The following PCDHA2 variants were observed in gnomAD, a reference collection of about 807,000 sequenced individuals.
The protein encoded by PCDHA2 is protocadherin alpha-2.
PCDHA2 carries 58 observed loss-of-function variants against 66.0 expected under a neutral mutation model. The observed-to-expected ratio is 0.88, with a 90% CI of 0.71 to 1.09. The LOEUF (loss-of-function observed/expected upper bound fraction) is 1.09. Ranked by LOEUF, PCDHA2 falls within the 50% of genes least tolerant of loss-of-function variation. The pLI is 0.00. For synonymous variants in PCDHA2, 634 were observed against 554.0 expected, an observed-to-expected ratio of 1.14 and a Z score of -2.03; for missense variants, 1,267 against 1,242.3, an observed-to-expected ratio of 1.02 and a Z score of -0.30.
At chr5:140,798,866 A>G (rs1426927242) in intron 1 of PCDHA2, among the ~76,000 whole-genome samples, 1 of 152,182 alleles carries the variant, frequency 6.6e-6, no homozygotes, top group Non-Finnish European at 1.5e-5. Flanking sequence ...GTCCTCTACT[A>G]TTTAGTTCTT....
chr5:140,925,441 T>G (rs1458646143), intron 1 of PCDHA2, among the ~76,000 whole-genome samples: 1 of 152,136 alleles, frequency 6.6e-6, no homozygotes, highest in African/African-American at 2.4e-5. Context: ...TTAGGCAGAA[T>G]TTGGGTGTAT....
chr5:140,801,450 T>C (rs562041671), intron 1 of PCDHA2: 2 of 1,613,956 alleles, frequency 1.2e-6, no homozygotes, highest in East Asian at 4.5e-5. Flanking sequence ...TGGCATTTTG[T>C]TTGTGAATTC....
At chr5:140,824,245 C>T in intron 1 of PCDHA2, 1 of 1,462,164 alleles carries the variant, frequency 6.8e-7, no homozygotes, top group Admixed American at 1.7e-5. Flanking sequence ...TATTGTGGTA[C>T]ACAATTATTG....
intron 1 of PCDHA2, among the ~76,000 whole-genome samples, chr5:140,935,657 T>C (rs2090486652): frequency 1.3e-5 from 2 of 152,176 alleles, no homozygotes; most frequent in Non-Finnish European, 2.9e-5. Flanking sequence ...TTTAATTTTC[T>C]TTTATAATTA....
At chr5:140,899,228 T>G (rs1194169721) in intron 1 of PCDHA2, among the ~76,000 whole-genome samples, 1 of 152,126 alleles carries the variant, frequency 6.6e-6, no homozygotes, top group Non-Finnish European at 1.5e-5. Context: ...CAACACTATG[T>G]TGAATAGGAG....
At chr5:140,809,741 A>G in intron 1 of PCDHA2, 1 of 686,580 alleles carries the variant, frequency 1.5e-6, no homozygotes, top group South Asian at 2.3e-5. Flanking sequence ...AGCAATATAT[A>G]TTGCCTTCCT....
intron 1 of PCDHA2, among the ~76,000 whole-genome samples, chr5:140,874,476 A>G (rs1024531291): frequency 1.1e-4 from 17 of 152,236 alleles, no homozygotes; most frequent in Non-Finnish European, 8.8e-5. Context: ...TTAGAGAAAA[A>G]GCAAAAGGTT....
intron 1 of PCDHA2, among the ~76,000 whole-genome samples, chr5:140,923,142 TA>T (rs1262526439): frequency 5.3e-5 from 8 of 152,122 alleles, no homozygotes; most frequent in East Asian, 3.9e-4. Context: ...AGGTGGAATA[TA>T]AAAAAAATTA....
Position 140,848,391 on chromosome 5 carries a change from G to A in PCDHA2, c.2388+51039G>A. ...GGCTCAATTCTTTTTCACTCTCTCTGTGCTGAACGATGGCGAACACAGCAG... is the reference window on the plus strand; with the variant it reads ...GGCTCAATTCTTTTTCACTCTCTCTATGCTGAACGATGGCGAACACAGCAG... On this transcript the variant is annotated intron_variant, in intron 1 of 3. Coordinates refer to ENST00000526136, the MANE Select transcript of PCDHA2 (RefSeq NM_018905.3). The A allele has an allele frequency of 2.4e-6, 3 of 1,246,922 alleles. No homozygotes were observed. In the South Asian group the frequency reaches 4.3e-5, roughly 18 times the overall value. 77.2% of individuals were successfully genotyped at this position (1,246,922 alleles called of 1,614,324 possible).
At chr5:140,803,402 C>A in intron 1 of PCDHA2, 1 of 1,614,232 alleles carries the variant, frequency 6.2e-7, no homozygotes, top group Non-Finnish European at 8.5e-7. Context: ...GTGGGCCGGG[C>A]AAGCCCACGC....
At chr5:140,871,545 A>G (rs1554165721) in intron 1 of PCDHA2, 1 of 1,501,736 alleles carries the variant, frequency 6.7e-7, no homozygotes, top group Non-Finnish European at 8.9e-7. Context: ...GAAATTATTT[A>G]AAATCCAGTT....
rs377026931 is a variant in PCDHA2 at position 140,803,502 on chromosome 5, C to T, written c.2388+6150C>T. On this transcript the variant is annotated intron_variant, in intron 1 of 3. Transcript: ENST00000526136. ...TGGAGAGGGGTTGCCCAAGACCGAC[C>T]TCATGGCTTTTAGCCCTAGCCTTCC... 1.9e-6 allele frequency: 3 copies of T among 1,614,132 alleles called. No individual in the cohort carries two copies. The African/African-American group carries it at 4.0e-5, about 22-fold the overall frequency.
chr5:140,967,595 G>A, intron 1 of PCDHA2: 1 of 1,614,168 alleles, frequency 6.2e-7, no homozygotes, highest in Non-Finnish European at 8.5e-7. Context: ...CACATTGGTG[G>A]TGAAGCTGAA....
chr5:140,903,908 T>G (rs1248455998), intron 1 of PCDHA2, among the ~76,000 whole-genome samples: 2 of 152,242 alleles, frequency 1.3e-5, no homozygotes, highest in East Asian at 1.9e-4. Flanking sequence ...GTCAATGATG[T>G]GACTTCCTTG....
At chr5:140,858,455 AT>A in intron 1 of PCDHA2, 2 of 1,529,258 alleles carry the variant, frequency 1.3e-6, no homozygotes, top group Non-Finnish European at 1.8e-6. Context: ...TTACGTTTTC[AT>A]TTTCCTTTTG....
chr5:140,813,572 G>A (rs1306655317), intron 1 of PCDHA2: 1 of 152,194 alleles, frequency 6.6e-6, no homozygotes, highest in Non-Finnish European at 1.5e-5. Flanking sequence ...GGAGACTGCG[G>A]GGCTGGAAAT....
chr5:141,001,594 A>AT (rs1216872407), intron 3 of PCDHA2, among the ~76,000 whole-genome samples: 1 of 152,040 alleles, frequency 6.6e-6, no homozygotes, highest in Non-Finnish European at 1.5e-5. Flanking sequence ...GATTACTCAG[A>AT]TTAGGTTTGC....
intron 1 of PCDHA2, chr5:140,809,179 T>G (rs782035761): frequency 5.0e-6 from 8 of 1,614,004 alleles, no homozygotes; most frequent in East Asian, 2.2e-5. Flanking sequence ...CCACGGCCAC[T>G]GTGCTGGTGT....
intron 1 of PCDHA2, chr5:140,821,825 G>A: frequency 6.2e-7 from 1 of 1,614,132 alleles, no homozygotes; most frequent in South Asian, 1.1e-5. Context: ...CTGCTGCTCT[G>A]GCTTCTCCTT....
Sources: allele counts gnomAD v4.1 joint callset (sites outside exome capture counted in the v4.1 genomes callset), GRCh38; gene constraint gnomAD v4.1.1; transcripts MANE v1.5; gene names NCBI Gene and HGNC (gene_info 2026-07-23, HGNC 2026-07-21).